The following INO80D variants were observed in gnomAD, a reference collection of about 807,000 sequenced individuals.
The protein encoded by INO80D is INO80 complex subunit D.
A neutral mutation model predicts 87.6 loss-of-function variants in INO80D; 21 were observed. The ratio of observed to expected loss-of-function variants is 0.24; its 90% CI spans 0.17 to 0.35. The LOEUF is 0.35. INO80D is among the 10% of genes least tolerant of loss of function. The pLI is 1.00. For synonymous variants in INO80D, 440 were observed against 491.0 expected, an observed-to-expected ratio of 0.90 and a Z score of 1.37; for missense variants, 982 against 1,280.7, an observed-to-expected ratio of 0.77 and a Z score of 3.56.
intron 1 of INO80D, among the ~76,000 whole-genome samples, chr2:206,070,052 C>T (rs1689920548): frequency 6.6e-6 from 1 of 151,224 alleles, no homozygotes; most frequent in African/African-American, 2.4e-5. Context: ...GGCGTGTAGG[C>T]TGCTTTGAGC....
chr2:206,057,121 T>C (rs1689547234), intron 3 of INO80D, among the ~76,000 whole-genome samples, 178 bp from the exon 4 acceptor site: 3 of 152,178 alleles, frequency 2.0e-5, no homozygotes, highest in Admixed American at 1.3e-4. Flanking sequence ...GTCAGTGTAA[T>C]TTTGATGAGG....
In INO80D at chr2:206,007,322, C is replaced by T; in HGVS notation, c.1880G>A (p.Arg627Gln). 1 of 1,613,556 alleles carries T rather than the reference C, an allele frequency of 6.2e-7. No homozygotes were observed. The highest frequency in any genetic ancestry group is 8.5e-7 in the Non-Finnish European group (1 of 1,179,772). ...AAAATCTTGTAAGTCATCAGGTAGC[C>T]GTGGCAGGACATCTGAAAAGTCCTC... is the stretch of plus-strand genomic sequence containing the variant. ...NQEDFSDVLPRLPDDLQDFDF... is the reference protein window; with the variant it reads ...NQEDFSDVLPQLPDDLQDFDF... Residue 627 changes from arginine (R) to glutamine (Q), a missense_variant, in exon 10 of 11, where the codon CGG becomes CAG. Coordinates refer to ENST00000403263, the MANE Select transcript of INO80D (RefSeq NM_017759.5).
chr2:206,038,730 G>A (rs575013839), intron 5 of INO80D, among the ~76,000 whole-genome samples: 130 of 152,232 alleles, frequency 8.5e-4, no homozygotes, highest in African/African-American at 3.0e-3. Context: ...CTACTCGGGA[G>A]GCTGAGGTTG....
rs1443106797 is a variant in INO80D at position 205,994,440 on chromosome 2, G to A, written c.*9928C>T. The stretch of plus-strand genomic sequence containing the variant: ...ACTGTCCAACCTGTCTCATTTGCTG[G>A]TTTCAAATAAGCTACCTCACCTTTG... On this transcript the variant is annotated 3_prime_UTR_variant, in exon 11 of 11. Transcript: ENST00000403263. 6.6e-6 allele frequency: 1 copy of A among 152,124 alleles called. No individual in the cohort carries two copies. The highest frequency in any genetic ancestry group is 1.9e-4 in the East Asian group (1 of 5,194). The allele number at this position is 152,124 out of a possible 1,614,324, so 9.4% of individuals were successfully genotyped here. A position where few individuals can be genotyped will look rare whatever the true frequency, so the allele number is the denominator to read the frequency against.
At position 205,997,607 on chromosome 2, in the gene INO80D, C is replaced by A. The variant is rs190688968; in HGVS notation, c.*6761G>T. 93 of 152,244 alleles carry A rather than the reference C, an allele frequency of 6.1e-4. No individual in the cohort carries two copies. The highest frequency in any genetic ancestry group is 2.1e-3 in the African/African-American group (86 of 41,564). 9.4% of individuals were successfully genotyped at this position (152,244 alleles called of 1,614,324 possible). On this transcript the variant is annotated 3_prime_UTR_variant, in exon 11 of 11. Coordinates refer to ENST00000403263, the MANE Select transcript of INO80D (RefSeq NM_017759.5). ...CACAATAGATAAACACAGCTCATGT[C>A]TGGGGCTGTCTGTCTCCCTCTCTTA... is the stretch of plus-strand genomic sequence containing the variant.
At chr2:206,057,807 T>G (rs1689566630) in intron 3 of INO80D, among the ~76,000 whole-genome samples, 1 of 151,718 alleles carries the variant, frequency 6.6e-6, no homozygotes, top group Non-Finnish European at 1.5e-5. Context: ...TCAATAACTT[T>G]AAAATAAAAT....
chr2:206,058,293 C>G (rs1226369582), intron 3 of INO80D, among the ~76,000 whole-genome samples: 1 of 151,908 alleles, frequency 6.6e-6, no homozygotes, highest in Admixed American at 6.6e-5. Context: ...GTGGCAGGAG[C>G]CTGTAGTCCC....
intron 3 of INO80D, among the ~76,000 whole-genome samples, chr2:206,059,046 A>C (rs1387999704): frequency 6.6e-6 from 1 of 151,020 alleles, no homozygotes; most frequent in Non-Finnish European, 1.5e-5. Flanking sequence ...GCAACATAGC[A>C]AGACCCTGTC....
intron 9 of INO80D, among the ~76,000 whole-genome samples, chr2:206,009,138 C>T (rs1180096199): frequency 2.6e-5 from 4 of 152,066 alleles, no homozygotes; most frequent in East Asian, 1.9e-4. Flanking sequence ...GGTGAAACCC[C>T]GTCTCTACTA....
At chr2:206,025,542 A>AAAAAT (rs71301548) in intron 6 of INO80D, 8 of 76,934 alleles carry the variant, frequency 1.0e-4, no homozygotes, top group Admixed American at 2.0e-4. Flanking sequence ...AAAAAAAAAA[A>AAAAAT]ATATATATAT....
intron 3 of INO80D, among the ~76,000 whole-genome samples, chr2:206,060,069 G>A (rs988909119): frequency 1.3e-5 from 2 of 152,058 alleles, no homozygotes; most frequent in East Asian, 3.9e-4. Context: ...GGCCAGCCAC[G>A]TGGCTTGTGC....
Position 205,995,364 on chromosome 2 carries a change from T to C in INO80D, c.*9004A>G, listed in dbSNP as rs1410937377. 1.3e-5 allele frequency: 2 copies of C among 152,198 alleles called. No individual in the cohort carries two copies. Among genetic ancestry groups the C allele is most frequent in the Non-Finnish European group, 2.9e-5 (2 of 68,032 alleles). The allele number at this position is 152,198 out of a possible 1,614,324, so 9.4% of individuals were successfully genotyped here. A position where few individuals can be genotyped will look rare whatever the true frequency, so the allele number is the denominator to read the frequency against. On this transcript the variant is annotated 3_prime_UTR_variant, in exon 11 of 11. Coordinates refer to ENST00000403263, the MANE Select transcript of INO80D (RefSeq NM_017759.5). The stretch of plus-strand genomic sequence containing the variant: ...AAGGAAAAGGAAGATAAATAAATAG[T>C]GTGTGGATGTCTTTAGATGAGACTT...
chr2:206,046,886 T>C (rs1000313870), intron 4 of INO80D, among the ~76,000 whole-genome samples: 3 of 152,020 alleles, frequency 2.0e-5, no homozygotes, highest in Non-Finnish European at 4.4e-5. Flanking sequence ...GGTTCAGCGA[T>C]TCTCCTGTCT....
chr2:206,019,883 T>C (rs1043579837), intron 6 of INO80D, 38 bp from the exon 7 acceptor site: 1 of 1,507,038 alleles, frequency 6.6e-7, no homozygotes, highest in Non-Finnish European at 9.1e-7. Context: ...TTTTTTTTAA[T>C]GCTTTAAGAA....
In INO80D at chr2:206,003,973, C is replaced by CGCCG; in HGVS notation, c.*394_*395insCGGC. 4.9e-6 allele frequency: 1 copy of CGCCG among 203,756 alleles called. No homozygotes were observed. Among genetic ancestry groups the CGCCG allele is most frequent in the Non-Finnish European group, 1.0e-5 (1 of 98,556 alleles). The allele number at this position is 203,756 out of a possible 1,614,324, so 12.6% of individuals were successfully genotyped here. ...CAGGAACTCAATTAATAAGATCATT[C>CGCCG]TATCTAGAACCACCTATGTAAAAAC... is the stretch of plus-strand genomic sequence containing the variant. On this transcript the variant is annotated 3_prime_UTR_variant, in exon 11 of 11. Coordinates refer to ENST00000403263, the MANE Select transcript of INO80D (RefSeq NM_017759.5).
rs530182814 is a variant in INO80D, at chr2:206,068,982, T to C, written c.-123-5738A>G. Among the ~76,000 whole-genome samples, 11 of 152,356 alleles carry C rather than the reference T, an allele frequency of 7.2e-5. 1 individual carries two copies. The South Asian group carries it at 2.3e-3, about 32-fold the overall frequency. On this transcript the variant is annotated intron_variant, in intron 1 of 10. Coordinates refer to ENST00000403263, the MANE Select transcript of INO80D (RefSeq NM_017759.5). ...TCCCAAAGTGCTGGGATTACAGGCC[T>C]GAGTCACCCTGCCTGGTCCAAGTCA...
At position 206,004,645 on chromosome 2, in the gene INO80D, G is replaced by C; in HGVS notation, c.2807C>G (p.Thr936Ser). 2 of 1,613,736 alleles carry C rather than the reference G, an allele frequency of 1.2e-6. No individual in the cohort carries two copies. Among genetic ancestry groups the C allele is most frequent in the Non-Finnish European group, 1.7e-6 (2 of 1,179,766 alleles). ...NSETTQPAFA[T>S]VTPSSSSVLP... ...CACACTGGAGCTGCTGGGGGTCACG[G>C]TGGCGAAGGCAGGCTGTGTGGTCTC... Residue 936 changes from threonine to serine, a missense_variant, in exon 11 of 11, where the codon ACC becomes AGC. Coordinates refer to ENST00000403263, the MANE Select transcript of INO80D (RefSeq NM_017759.5). The surrounding 1 kb of genome is among the most constrained non-coding windows in gnomAD (Gnocchi z 4.9).
chr2:206,056,222 C>A lies in INO80D; in HGVS notation c.940G>T (p.Asp314Tyr). 1 of 1,599,322 alleles carries A rather than the reference C, an allele frequency of 6.3e-7. No individual in the cohort carries two copies. Among genetic ancestry groups the A allele is most frequent in the South Asian group, 1.1e-5 (1 of 88,514 alleles). Residue 314 changes from aspartate to tyrosine, a missense_variant, in exon 4 of 11, where the codon GAC becomes TAC. Transcript: ENST00000403263. Reference protein sequence around the residue: ...VKLCTQKHQLDTDLFPHLGLD... With the variant: ...VKLCTQKHQLYTDLFPHLGLD... ...CCTAAATGGGGAAACAGATCAGTGT[C>A]CAACTGATGTTTCTGGGTGCACAGT... is the stretch of plus-strand genomic sequence containing the variant.
intron 1 of INO80D, among the ~76,000 whole-genome samples, chr2:206,079,720 T>C (rs773944064): frequency 3.4e-4 from 52 of 152,216 alleles, no homozygotes; most frequent in Middle Eastern, 3.2e-3. Context: ...GTAATTTATG[T>C]GGCCAAAGAC....
Sources: gnomAD v4.1 joint callset for allele counts (sites outside exome capture counted in the v4.1 genomes callset) on GRCh38, gnomAD v4.1.1 for gene constraint, Gnocchi (gnomAD v3.1) non-coding constraint, MANE v1.5 for transcripts, NCBI Gene and HGNC (gene_info 2026-07-23, HGNC 2026-07-21) for gene names.